The following SCHIP1 variants were observed in gnomAD, a reference collection of about 807,000 sequenced individuals.
The protein encoded by SCHIP1 is schwannomin-interacting protein 1.
Under a neutral mutation model 29.7 loss-of-function variants are expected in SCHIP1, and 8 were observed. That is an observed-to-expected ratio of 0.27 (90% CI 0.16 to 0.49). The LOEUF (loss-of-function observed/expected upper bound fraction) is 0.49. Ranked by LOEUF, SCHIP1 falls within the 20% of genes least tolerant of loss-of-function variation. The pLI, the probability that SCHIP1 is intolerant of heterozygous loss-of-function variation, is 0.99. For missense variants in SCHIP1, 193 were observed against 294.6 expected, an observed-to-expected ratio of 0.66 and a Z score of 2.52; for synonymous variants, 76 against 94.9, an observed-to-expected ratio of 0.80 and a Z score of 1.16.
intron 1 of SCHIP1, among the ~76,000 whole-genome samples, chr3:159,858,390 C>G (rs1713644551): frequency 6.6e-6 from 1 of 152,206 alleles, no homozygotes; most frequent in Non-Finnish European, 1.5e-5. Context: ...CCTTCACTTT[C>G]TGCAAGGTTC....
At chr3:159,283,375 A>G in the SCHIP1 span, among the ~76,000 whole-genome samples, 1 of 151,986 alleles carries the variant, frequency 6.6e-6, no homozygotes, top group Non-Finnish European at 1.5e-5. Flanking sequence ...CTGGTCTCGA[A>G]CTCCTGACCT....
chr3:159,678,453 A>G, the SCHIP1 span, among the ~76,000 whole-genome samples: 1 of 152,228 alleles, frequency 6.6e-6, no homozygotes, highest in African/African-American at 2.4e-5. Context: ...TGGGAACAAG[A>G]CAGGTGTTTT....
the SCHIP1 span, among the ~76,000 whole-genome samples, chr3:159,713,233 GAAGAAAGAAAGAAAGA>G: frequency 0.014 from 1,787 of 124,608 alleles, 7 homozygotes; most frequent in African/African-American, 0.019. Context: ...AGAAAGAAAG[GAAGAAAGAAAGAAAGA>G]AAGAAAGAAA....
At chr3:159,790,560 C>G in the SCHIP1 span, among the ~76,000 whole-genome samples, 1 of 152,124 alleles carries the variant, frequency 6.6e-6, no homozygotes. Flanking sequence ...GTGGTATGTA[C>G]CTGTAGTCCC....
At chr3:159,730,872 A>G in the SCHIP1 span, among the ~76,000 whole-genome samples, 4 of 152,230 alleles carry the variant, frequency 2.6e-5, no homozygotes, top group Non-Finnish European at 5.9e-5. Context: ...TCTAGACATC[A>G]TACAAAAACC....
chr3:159,749,263 G>C, the SCHIP1 span, among the ~76,000 whole-genome samples: 19 of 152,056 alleles, frequency 1.2e-4, no homozygotes, highest in African/African-American at 4.6e-4. Context: ...GATCACCTGA[G>C]CCCAAGAAGG....
chr3:159,433,294 C>T, the SCHIP1 span, among the ~76,000 whole-genome samples: 11 of 152,090 alleles, frequency 7.2e-5, no homozygotes, highest in Admixed American at 3.3e-4. Context: ...CTTTCTAAGC[C>T]CAACCCTGGG....
chr3:159,866,102 T>A, intron 1 of SCHIP1, 61 bp from the exon 3 acceptor site: 1 of 1,420,898 alleles, frequency 7.0e-7, no homozygotes, highest in Non-Finnish European at 9.8e-7. Flanking sequence ...CAAGTTAGAC[T>A]GCCTGTGGTT....
chr3:159,273,340 C>T, the SCHIP1 span: 32 of 986,860 alleles, frequency 3.2e-5, no homozygotes, highest in Non-Finnish European at 3.9e-5. Context: ...GACCTGTTTA[C>T]ATGGTGTGTG....
chr3:159,350,378 A>C, the SCHIP1 span, among the ~76,000 whole-genome samples: 1 of 152,188 alleles, frequency 6.6e-6, no homozygotes, highest in Non-Finnish European at 1.5e-5. Context: ...ATTTTTATGC[A>C]AAAAATAAGA....
the SCHIP1 span, among the ~76,000 whole-genome samples, chr3:159,739,495 T>C: frequency 6.6e-6 from 1 of 152,246 alleles, no homozygotes; most frequent in South Asian, 2.1e-4. Context: ...CTAAATAACA[T>C]ATAAAATGCT....
intron 1 of SCHIP1, among the ~76,000 whole-genome samples, chr3:159,841,902 C>T (rs1161162490): frequency 6.6e-6 from 1 of 152,150 alleles, no homozygotes; most frequent in Admixed American, 6.5e-5. Flanking sequence ...AGTAGAACTA[C>T]CTACATGTGT....
At chr3:159,693,611 C>A in the SCHIP1 span, among the ~76,000 whole-genome samples, 1 of 152,052 alleles carries the variant, frequency 6.6e-6, no homozygotes, top group Non-Finnish European at 1.5e-5. Context: ...ATTAAGAAAA[C>A]GCCAAGACAC....
chr3:159,344,188 G>A, the SCHIP1 span, among the ~76,000 whole-genome samples: 1 of 152,020 alleles, frequency 6.6e-6, no homozygotes, highest in Non-Finnish European at 1.5e-5. Context: ...AGGCATGATG[G>A]CGCATGCTTG....
the SCHIP1 span, among the ~76,000 whole-genome samples, chr3:159,582,897 A>G: frequency 6.6e-6 from 1 of 152,056 alleles, no homozygotes; most frequent in Non-Finnish European, 1.5e-5. Flanking sequence ...GTGTTAATTA[A>G]TATAGTTGGT....
chr3:159,538,549 G>C, the SCHIP1 span, among the ~76,000 whole-genome samples: 51 of 152,198 alleles, frequency 3.4e-4, 1 homozygote, highest in African/African-American at 1.2e-3. Context: ...ATAATACCTT[G>C]CATTAGCCAA....
the SCHIP1 span, among the ~76,000 whole-genome samples, chr3:159,616,664 C>T: frequency 6.6e-6 from 1 of 152,184 alleles, no homozygotes; most frequent in Non-Finnish European, 1.5e-5. Flanking sequence ...AAAGCCTAGG[C>T]TAGGCCATGC....
At chr3:159,610,506 T>A in the SCHIP1 span, among the ~76,000 whole-genome samples, 1 of 152,190 alleles carries the variant, frequency 6.6e-6, no homozygotes, top group Non-Finnish European at 1.5e-5. Context: ...GAATGCCAAA[T>A]GTGGTTCAAA....
At chr3:159,574,601 TCA>T in the SCHIP1 span, among the ~76,000 whole-genome samples, 1 of 152,330 alleles carries the variant, frequency 6.6e-6, no homozygotes, top group South Asian at 2.1e-4. Flanking sequence ...CTGTCCATTC[TCA>T]GAGCTCAAAT....
Sources: gnomAD v4.1 joint callset for allele counts (sites outside exome capture counted in the v4.1 genomes callset) on GRCh38, gnomAD v4.1.1 for gene constraint, MANE v1.5 for transcripts, NCBI Gene and HGNC (gene_info 2026-07-23, HGNC 2026-07-21) for gene names.